METAP2: variants seen among roughly 807,000 people sequenced by gnomAD.
METAP2 encodes the protein methionine aminopeptidase 2.
METAP2 carries 25 observed loss-of-function variants against 59.4 expected under a neutral mutation model. That is an observed-to-expected ratio of 0.42 (90% CI 0.31 to 0.59). The LOEUF is 0.59. Among genes scored for constraint, METAP2 ranks in the 20% least tolerant of loss-of-function variants. The probability of loss-of-function intolerance (pLI) is 0.16; values close to 1 mark genes in which losing one functional copy is unlikely to be tolerated. For missense variants in METAP2, 366 were observed against 581.2 expected, an observed-to-expected ratio of 0.63 and a Z score of 3.81; for synonymous variants, 214 against 194.1, an observed-to-expected ratio of 1.10 and a Z score of -0.85.
At chr12:95,478,760 G>A (rs1594409994) in intron 2 of METAP2, among the ~76,000 whole-genome samples, 2 of 152,292 alleles carry the variant, frequency 1.3e-5, no homozygotes, top group South Asian at 2.1e-4. Context: ...GCTGAATGCC[G>A]AAGGAAGGCT....
In METAP2 at chr12:95,496,184, T is replaced by C. The variant is rs570051574; in HGVS notation, c.867+86T>C. 26 of 788,558 alleles carry C rather than the reference T, an allele frequency of 3.3e-5. No homozygotes were observed. In the Admixed American group the frequency reaches 6.0e-4, roughly 18 times the overall value. The allele number at this position is 788,558 out of a possible 1,614,324, so 48.8% of individuals were successfully genotyped here. A position where few individuals can be genotyped will look rare whatever the true frequency, so the allele number is the denominator to read the frequency against. ...ACACTTAACAGCATTTAAGCACTTT[T>C]AAGGCCTGTTTAAGGGCTTTGGGTA... is the stretch of plus-strand genomic sequence containing the variant. On this transcript the variant is annotated intron_variant, in intron 7 of 10. Transcript: ENST00000323666.
chr12:95,480,552 C>G (rs2076151297), intron 2 of METAP2, among the ~76,000 whole-genome samples: 2 of 152,108 alleles, frequency 1.3e-5, no homozygotes, highest in African/African-American at 4.8e-5. Context: ...AAATTTTAGT[C>G]TTTGATAATG....
chr12:95,510,659 A>G (rs1594439918), intron 8 of METAP2, among the ~76,000 whole-genome samples: 1 of 152,136 alleles, frequency 6.6e-6, no homozygotes, highest in South Asian at 2.1e-4. Context: ...GCAGCAATAC[A>G]CTGCTTTCCA....
chr12:95,507,969 TGTG>T (rs1264358599), intron 8 of METAP2, among the ~76,000 whole-genome samples: 2 of 146,590 alleles, frequency 1.4e-5, no homozygotes, highest in Non-Finnish European at 3.0e-5. Context: ...TTTTAGTAGA[TGTG>T]GTGTTTCTCC....
intron 1 of METAP2, among the ~76,000 whole-genome samples, chr12:95,475,135 G>GT (rs2076108826): frequency 6.6e-6 from 1 of 152,100 alleles, no homozygotes; most frequent in African/African-American, 2.4e-5. Context: ...AGAAGTCTGT[G>GT]TTTTTGCTGC....
chr12:95,513,414 G>A (rs1265569161), intron 10 of METAP2, among the ~76,000 whole-genome samples: 3 of 152,114 alleles, frequency 2.0e-5, no homozygotes, highest in African/African-American at 4.8e-5. Flanking sequence ...ACGCACACGC[G>A]CGCGCACGTA....
At chr12:95,483,916 T>A (rs2076177592) in intron 3 of METAP2, among the ~76,000 whole-genome samples, 1 of 152,196 alleles carries the variant, frequency 6.6e-6, no homozygotes, top group Non-Finnish European at 1.5e-5. Flanking sequence ...ATGGTGAGAC[T>A]TTATTATTAA....
At chr12:95,502,042 G>T (rs2076320166) in intron 7 of METAP2, among the ~76,000 whole-genome samples, 3 of 135,228 alleles carry the variant, frequency 2.2e-5, no homozygotes, top group East Asian at 2.1e-4. Context: ...TTGCTCTGTT[G>T]CCCAGGCTGG....
At chr12:95,511,389 GTTTTTTTTTTTTTT>G (rs11301070) in intron 8 of METAP2, among the ~76,000 whole-genome samples, 2 of 61,118 alleles carry the variant, frequency 3.3e-5, no homozygotes, top group Non-Finnish European at 5.7e-5. Context: ...TTCTAGCACC[GTTTTTTTTTTTTTT>G]TTTTTTTTTT....
At chr12:95,507,704 T>A (rs1318323368) in intron 8 of METAP2, among the ~76,000 whole-genome samples, 1 of 152,122 alleles carries the variant, frequency 6.6e-6, no homozygotes, top group Non-Finnish European at 1.5e-5. Flanking sequence ...CCCTAGTGGC[T>A]CCTCTCAGTG....
At chr12:95,494,685 A>T (rs1016208436) in intron 5 of METAP2, among the ~76,000 whole-genome samples, 6 of 152,148 alleles carry the variant, frequency 3.9e-5, no homozygotes, top group African/African-American at 1.4e-4. Context: ...AAATTGGTCT[A>T]AGTTAGACTC....
At chr12:95,477,215 A>G (rs895132231) in intron 2 of METAP2, among the ~76,000 whole-genome samples, 11 of 151,866 alleles carry the variant, frequency 7.2e-5, no homozygotes, top group African/African-American at 2.2e-4. Context: ...CTCCTGCCTC[A>G]GCCTCCCGAG....
chr12:95,511,597 G>T (rs2076403378), intron 8 of METAP2, among the ~76,000 whole-genome samples: 1 of 151,938 alleles, frequency 6.6e-6, no homozygotes, highest in African/African-American at 2.4e-5. Context: ...TCGCCATGTT[G>T]GTCAGGCTGG....
intron 8 of METAP2, among the ~76,000 whole-genome samples, chr12:95,505,649 C>T (rs1186542896): frequency 6.6e-6 from 1 of 152,096 alleles, no homozygotes; most frequent in African/African-American, 2.4e-5. Context: ...CGTGTGCCAC[C>T]ATAGTTGGCT....
chr12:95,504,194 ATT>A (rs746408090), intron 8 of METAP2, 33 bp downstream of exon 8: 8 of 1,418,412 alleles, frequency 5.6e-6, no homozygotes, highest in Middle Eastern at 1.8e-4. Flanking sequence ...TTATTTTGAA[ATT>A]GATTTTACAA....
chr12:95,480,651 T>C (rs1490711168), intron 2 of METAP2, among the ~76,000 whole-genome samples: 3 of 152,258 alleles, frequency 2.0e-5, no homozygotes, highest in African/African-American at 7.2e-5. Flanking sequence ...CTTTTTCCTT[T>C]ATCTTTGGTA....
chr12:95,490,461 G>T (rs2076229422), intron 4 of METAP2, among the ~76,000 whole-genome samples: 1 of 150,986 alleles, frequency 6.6e-6, no homozygotes, highest in Admixed American at 6.6e-5. Flanking sequence ...CAAGTGTATT[G>T]TTACTAGTTT....
At position 95,494,176 on chromosome 12, in the gene METAP2, A is replaced by C. The variant is rs780214322; in HGVS notation, c.549A>C (p.Val183=). 2 of 1,614,076 alleles carry C rather than the reference A, an allele frequency of 1.2e-6. No homozygotes were observed. The highest frequency in any genetic ancestry group is 1.7e-6 in the Non-Finnish European group (2 of 1,179,970). The part of the protein sequence containing the change: ...AEAHRQVRKY[V]MSWIKPGMTM... ...CACATCGACAAGTTAGAAAATACGT[A>C]ATGAGCTGGATCAAGCCTGGGATGA... The change falls in exon 5 of 11, where the codon GTA becomes GTC. Residue 183 remains valine, a synonymous_variant. Transcript: ENST00000323666.
intron 7 of METAP2, among the ~76,000 whole-genome samples, chr12:95,503,031 A>C (rs1269071978): frequency 6.9e-6 from 1 of 145,146 alleles, no homozygotes; most frequent in African/African-American, 2.6e-5. Flanking sequence ...GGCTTTGTGT[A>C]GTGGTAGATC....
Sources: allele counts gnomAD v4.1 joint callset (sites outside exome capture counted in the v4.1 genomes callset), GRCh38; gene constraint gnomAD v4.1.1; transcripts MANE v1.5; gene names NCBI Gene and HGNC (gene_info 2026-07-23, HGNC 2026-07-21).